KCNMA1: variants seen among roughly 807,000 people sequenced by gnomAD.
KCNMA1 encodes Calcium-activated potassium channel subunit alpha-1.
KCNMA1 carries 29 observed loss-of-function variants against 140.0 expected under a neutral mutation model. The ratio of observed to expected loss-of-function variants is 0.21; its 90% confidence interval spans 0.15 to 0.28. KCNMA1 has a LOEUF of 0.28. KCNMA1 is among the 10% of genes least tolerant of loss of function. The pLI is 1.00. For missense variants in KCNMA1, 880 were observed against 1,602.2 expected (o/e 0.55, Z 7.70); for synonymous variants, 612 against 611.9 (o/e 1.00, Z 0.00).
intron 29 of KCNMA1, chr10:76,877,996 T>C (rs1051978293): frequency 1.8e-6 from 2 of 1,115,876 alleles, no homozygotes. Flanking sequence ...AAAAAGGTAA[T>C]CGATAGAAGC....
At chr10:77,376,061 C>T (rs2095080344) in intron 2 of KCNMA1, among the ~76,000 whole-genome samples, 1 of 152,178 alleles carries the variant, frequency 6.6e-6, no homozygotes, top group Non-Finnish European at 1.5e-5. Context: ...ACAAGATCCC[C>T]AATCTTCTAA....
intron 3 of KCNMA1, among the ~76,000 whole-genome samples, chr10:77,206,035 C>A (rs557621893): frequency 6.6e-6 from 1 of 152,278 alleles, no homozygotes; most frequent in Admixed American, 6.5e-5. Flanking sequence ...CTATGGACAA[C>A]ATGACAGTAT....
chr10:77,188,877 G>C (rs1314054174), intron 3 of KCNMA1, among the ~76,000 whole-genome samples: 1 of 152,134 alleles, frequency 6.6e-6, no homozygotes, highest in Non-Finnish European at 1.5e-5. Context: ...CTCACTGCTA[G>C]CAGTTGTTCC....
intron 3 of KCNMA1, among the ~76,000 whole-genome samples, chr10:77,191,571 T>C (rs1017346586): frequency 2.6e-5 from 4 of 152,120 alleles, no homozygotes; most frequent in Non-Finnish European, 5.9e-5. Context: ...AGTTGTGTAG[T>C]TTTTAGTTTT....
At chr10:77,516,996 CA>C (rs77570923) in intron 1 of KCNMA1, among the ~76,000 whole-genome samples, 192 of 86,118 alleles carry the variant, frequency 2.2e-3, no homozygotes, top group South Asian at 0.02. Flanking sequence ...GTGTTTTTTA[CA>C]AAAAAAAAAA....
At chr10:77,073,649 A>G (rs775586191) in intron 13 of KCNMA1, among the ~76,000 whole-genome samples, 5 of 152,092 alleles carry the variant, frequency 3.3e-5, no homozygotes, top group African/African-American at 4.8e-5. Context: ...TGCCTTTCCA[A>G]TACTCCAGAT....
chr10:77,114,380 C>A (rs2097400244), intron 6 of KCNMA1, among the ~76,000 whole-genome samples: 1 of 152,184 alleles, frequency 6.6e-6, no homozygotes, highest in South Asian at 2.1e-4. Context: ...TTCAGTCCCA[C>A]TGGGGTATAC....
At chr10:77,304,184 A>C (rs2077147716) in intron 2 of KCNMA1, among the ~76,000 whole-genome samples, 1 of 152,246 alleles carries the variant, frequency 6.6e-6, no homozygotes, top group Non-Finnish European at 1.5e-5. Flanking sequence ...AAATGAGAAC[A>C]AGAAAGAATG....
chr10:77,288,790 T>C (rs571313166), intron 2 of KCNMA1, among the ~76,000 whole-genome samples: 1 of 152,326 alleles, frequency 6.6e-6, no homozygotes, highest in African/African-American at 2.4e-5. Flanking sequence ...ATCTGAGGCT[T>C]GAAATAAAAG....
At chr10:77,338,628 A>G (rs892846928) in intron 2 of KCNMA1, among the ~76,000 whole-genome samples, 2 of 152,278 alleles carry the variant, frequency 1.3e-5, no homozygotes, top group African/African-American at 4.8e-5. Context: ...TTCTGTGCTC[A>G]TCCTACGAGC....
At chr10:77,261,798 A>T (rs1041411892) in intron 2 of KCNMA1, among the ~76,000 whole-genome samples, 1 of 152,214 alleles carries the variant, frequency 6.6e-6, no homozygotes, top group African/African-American at 2.4e-5. Flanking sequence ...TAAAGTTGGA[A>T]GACCTTTCCT....
Position 77,056,542 on chromosome 10 carries a change from G to T in KCNMA1, c.1749+16555C>A, listed in dbSNP as rs1269630094. ...TCCAAGACACAATAAAAAATTACTT[G>T]CCATAAGAGTAACCAGGAAAATCTC... is the stretch of plus-strand genomic sequence containing the variant. On this transcript the variant is annotated intron_variant, in intron 14 of 27. Transcript: ENST00000286628. 2.6e-5 allele frequency among the ~76,000 whole-genome samples: 4 copies of T among 151,912 alleles called. No homozygotes were observed. In the East Asian group the frequency reaches 7.7e-4, roughly 29 times the overall value.
chr10:77,247,329 A>G (rs753297018), intron 3 of KCNMA1, among the ~76,000 whole-genome samples: 1 of 152,184 alleles, frequency 6.6e-6, no homozygotes, highest in Non-Finnish European at 1.5e-5. Context: ...CTGCTGCATT[A>G]TGCAATCCAT....
At chr10:77,221,799 C>T (rs558933865) in intron 3 of KCNMA1, among the ~76,000 whole-genome samples, 1 of 152,248 alleles carries the variant, frequency 6.6e-6, no homozygotes, top group South Asian at 2.1e-4. Context: ...CCCCAACCCC[C>T]TAAAACAGCA....
At chr10:77,370,516 A>G (rs74635579) in intron 2 of KCNMA1, among the ~76,000 whole-genome samples, 2,137 of 152,316 alleles carry the variant, frequency 0.014, 47 homozygotes, top group African/African-American at 0.049. Context: ...TCCAATCTCT[A>G]GCTCTTTGTT....
At chr10:77,567,835 T>C (rs2068945858) in intron 1 of KCNMA1, among the ~76,000 whole-genome samples, 1 of 152,210 alleles carries the variant, frequency 6.6e-6, no homozygotes, top group Non-Finnish European at 1.5e-5. Flanking sequence ...CTCACACCTA[T>C]AATCCCAGCA....
At chr10:77,202,379 A>G (rs768914923) in intron 3 of KCNMA1, among the ~76,000 whole-genome samples, 55 of 152,328 alleles carry the variant, frequency 3.6e-4, no homozygotes, top group Admixed American at 9.1e-4. Context: ...GTAATAAGCA[A>G]GCTTCTAGAA....
chr10:77,232,930 A>G (rs1378271349), intron 3 of KCNMA1, among the ~76,000 whole-genome samples: 2 of 146,588 alleles, frequency 1.4e-5, no homozygotes, highest in South Asian at 2.2e-4. Context: ...TCTGTCACCC[A>G]GACTGGAGTG....
chr10:77,537,003 T>C (rs906113392), intron 1 of KCNMA1, among the ~76,000 whole-genome samples: 3 of 152,254 alleles, frequency 2.0e-5, no homozygotes, highest in Non-Finnish European at 4.4e-5. Context: ...GGGAAAAATG[T>C]GTATTGACTT....
Sources: allele counts gnomAD v4.1 joint callset (sites outside exome capture counted in the v4.1 genomes callset), GRCh38; gene constraint gnomAD v4.1.1; transcripts MANE v1.5; gene names NCBI Gene and HGNC (gene_info 2026-07-23, HGNC 2026-07-21).